Variants in SLC35B4 observed in about 807,000 individuals in gnomAD.
SLC35B4 encodes the protein nucleotide sugar transporter SLC35B4.
A neutral mutation model predicts 39.5 loss-of-function variants in SLC35B4; 28 were observed. The observed-to-expected ratio is 0.71, with a 90% CI of 0.53 to 0.97. The LOEUF is 0.97. SLC35B4 is among the 50% of genes least tolerant of loss of function. The pLI, the probability that SLC35B4 is intolerant of heterozygous loss-of-function variation, is 0.00. For synonymous variants in SLC35B4, 145 were observed against 150.4 expected (o/e 0.96, Z 0.26); for missense variants, 334 against 414.3 (o/e 0.81, Z 1.68).
At chr7:134,297,894 C>A (rs1803502204) in intron 8 of SLC35B4, among the ~76,000 whole-genome samples, 2 of 152,180 alleles carry the variant, frequency 1.3e-5, no homozygotes, top group African/African-American at 4.8e-5. Context: ...GACACATACA[C>A]ACACACACTC....
At chr7:134,310,529 G>C (rs900706174) in intron 1 of SLC35B4, among the ~76,000 whole-genome samples, 1 of 151,104 alleles carries the variant, frequency 6.6e-6, no homozygotes, top group Admixed American at 6.6e-5. Context: ...ACCTGCCTTC[G>C]TATTCTGTGT....
chr7:134,304,317 G>A (rs1263158470), intron 4 of SLC35B4, among the ~76,000 whole-genome samples: 1 of 147,414 alleles, frequency 6.8e-6, no homozygotes, highest in Non-Finnish European at 1.5e-5. Flanking sequence ...CTTGAACCTG[G>A]GAGGTGGAGG....
rs1308951495 is a variant in SLC35B4, at chr7:134,293,788, CTT to C, written c.*1043_*1044del. 6.7e-6 allele frequency: 1 copy of C among 150,270 alleles called. No homozygotes were observed. The highest frequency in any genetic ancestry group is 6.6e-5 in the Admixed American group (1 of 15,104). The allele number at this position is 150,270 out of a possible 1,614,324, so 9.3% of individuals were successfully genotyped here. A position where few individuals can be genotyped will look rare whatever the true frequency, so the allele number is the denominator to read the frequency against. Reference sequence around the variant, plus strand: ...TCAGGGGTGTCCAGTCCATAACAACCTTTCTTTTTTTTTTTTTTTTTTGAGAT... The same window carrying C: ...TCAGGGGTGTCCAGTCCATAACAACCTCTTTTTTTTTTTTTTTTTTGAGAT... On this transcript the variant is annotated 3_prime_UTR_variant, in exon 10 of 10. Transcript: ENST00000378509.
At chr7:134,301,960 G>A (rs2117292969) in intron 5 of SLC35B4, 69 bp downstream of exon 5, 2 of 1,539,536 alleles carry the variant, frequency 1.3e-6, no homozygotes, top group Non-Finnish European at 1.8e-6. Context: ...AATTTGAATT[G>A]TATTAATTGC....
In SLC35B4 at chr7:134,291,787, AAAC is replaced by A. The variant is rs1478665004; in HGVS notation, c.*3043_*3045del. ...AGTTGTTTTAGTTGGACGAAAAAGA[AAAC>A]AAAGAATCAAAAATAAATTACTAAT... On this transcript the variant is annotated 3_prime_UTR_variant, in exon 10 of 10. Coordinates refer to ENST00000378509, the MANE Select transcript of SLC35B4 (RefSeq NM_032826.5). 2 of 152,270 alleles carry A rather than the reference AAAC, an allele frequency of 1.3e-5. No individual in the cohort carries two copies. Among genetic ancestry groups the A allele is most frequent in the African/African-American group, 4.8e-5 (2 of 41,470 alleles). The allele number at this position is 152,270 out of a possible 1,614,324, so 9.4% of individuals were successfully genotyped here.
In SLC35B4 at chr7:134,294,827, C is replaced by A. The variant is rs749035832; in HGVS notation, c.*6G>T. 5.6e-6 allele frequency: 9 copies of A among 1,613,692 alleles called. No individual in the cohort carries two copies. Among genetic ancestry groups the A allele is most frequent in the Non-Finnish European group, 4.2e-6 (5 of 1,179,944 alleles). ...ACGACACTGGTCTACGTACTCCAGA[C>A]AGGCCTCAGTTCTTCTTGCTGTCCT... is the stretch of plus-strand genomic sequence containing the variant. On this transcript the variant is annotated 3_prime_UTR_variant, in exon 10 of 10. Coordinates refer to ENST00000378509, the MANE Select transcript of SLC35B4 (RefSeq NM_032826.5).
chr7:134,311,806 C>T (rs566958807), intron 1 of SLC35B4, among the ~76,000 whole-genome samples: 59 of 152,176 alleles, frequency 3.9e-4, no homozygotes, highest in Non-Finnish European at 5.9e-4. Context: ...GGAGAAATAC[C>T]AGTCAAGGTG....
rs1185092881 is a variant in SLC35B4 at position 134,289,809 on chromosome 7, G to T, written c.*5024C>A. 6.6e-6 allele frequency: 1 copy of T among 152,218 alleles called. No homozygotes were observed. The highest frequency in any genetic ancestry group is 1.5e-5 in the Non-Finnish European group (1 of 68,040). 9.4% of individuals were successfully genotyped at this position (152,218 alleles called of 1,614,324 possible). ...GATATCAGTAAGTCAATGTGCCAAA[G>T]AAATTATTACAACTTCTTTCTTAGA... On this transcript the variant is annotated 3_prime_UTR_variant, in exon 10 of 10. Transcript: ENST00000378509.
In SLC35B4 at chr7:134,291,655, C is replaced by G. The variant is rs148289669; in HGVS notation, c.*3178G>C. 7.9e-5 allele frequency: 12 copies of G among 152,170 alleles called. No individual in the cohort carries two copies. Among genetic ancestry groups the G allele is most frequent in the African/African-American group, 2.9e-4 (12 of 41,506 alleles). The allele number at this position is 152,170 out of a possible 1,614,324, so 9.4% of individuals were successfully genotyped here. ...CACTGACCAAATCAAAATACTGCAGCGTTTCACTGTGGTTAACAGGATGGA... is the reference window on the plus strand; with the variant it reads ...CACTGACCAAATCAAAATACTGCAGGGTTTCACTGTGGTTAACAGGATGGA... On this transcript the variant is annotated 3_prime_UTR_variant, in exon 10 of 10. Coordinates refer to ENST00000378509, the MANE Select transcript of SLC35B4 (RefSeq NM_032826.5).
At chr7:134,307,584 A>C (rs1563218032) in intron 2 of SLC35B4, among the ~76,000 whole-genome samples, 1 of 152,250 alleles carries the variant, frequency 6.6e-6, no homozygotes, top group Non-Finnish European at 1.5e-5. Context: ...TAAGAGAAAA[A>C]AACAGCATTT....
chr7:134,292,132 A>G lies in SLC35B4; in HGVS notation c.*2701T>C, dbSNP rs1803343666. 1 of 154,848 alleles carries G rather than the reference A, an allele frequency of 6.5e-6. No individual in the cohort carries two copies. The highest frequency in any genetic ancestry group is 2.0e-4 in the South Asian group (1 of 4,930). The allele number at this position is 154,848 out of a possible 1,614,324, so 9.6% of individuals were successfully genotyped here. A position where few individuals can be genotyped will look rare whatever the true frequency, so the allele number is the denominator to read the frequency against. ...CCCAGAGAAAGAGGAGAGACATTTAATAGACATTTCTCTTCCAGTTAAGTA... is the reference window on the plus strand; with the variant it reads ...CCCAGAGAAAGAGGAGAGACATTTAGTAGACATTTCTCTTCCAGTTAAGTA... On this transcript the variant is annotated 3_prime_UTR_variant, in exon 10 of 10. Coordinates refer to ENST00000378509, the MANE Select transcript of SLC35B4 (RefSeq NM_032826.5).
At position 134,299,089 on chromosome 7, in the gene SLC35B4, C is replaced by A. The variant is rs549916042; in HGVS notation, c.673+434G>T. Among the ~76,000 whole-genome samples the A allele has an allele frequency of 3.9e-5, 6 of 152,338 alleles. No individual in the cohort carries two copies. In the South Asian group the frequency reaches 1.2e-3, roughly 32 times the overall value. The stretch of plus-strand genomic sequence containing the variant: ...GAAAAACCTTGTCATCATTGAGCTC[C>A]CCTCTTGCTCTGCTCCATGGCAGCT... On this transcript the variant is annotated intron_variant, in intron 8 of 9. Transcript: ENST00000378509.
At chr7:134,316,603 C>CG in intron 1 of SLC35B4, 72 bp downstream of exon 1, 1 of 1,493,936 alleles carries the variant, frequency 6.7e-7, no homozygotes, top group Non-Finnish European at 9.1e-7. Context: ...GGGCGCGTCC[C>CG]GGGGGGACCT....
intron 3 of SLC35B4, among the ~76,000 whole-genome samples, chr7:134,305,669 G>A (rs60556721): frequency 0.02 from 3,081 of 151,924 alleles, 127 homozygotes; most frequent in African/African-American, 0.071. Context: ...TTCTACCCCC[G>A]ACCAGTTTTT....
intron 6 of SLC35B4, 80 bp downstream of exon 6, chr7:134,301,681 C>T: frequency 7.5e-7 from 1 of 1,342,130 alleles, no homozygotes; most frequent in Non-Finnish European, 1.1e-6. Context: ...AGCTTCTTGC[C>T]AAGAAACATT....
In SLC35B4 at chr7:134,294,691, G is replaced by T; in HGVS notation, c.*142C>A. On this transcript the variant is annotated 3_prime_UTR_variant, in exon 10 of 10. Coordinates refer to ENST00000378509, the MANE Select transcript of SLC35B4 (RefSeq NM_032826.5). ...ACATGTGTCAGTCTGAGCAACGTGA[G>T]AAGTCCCCTCCTGAAGATTTCCTTT... The T allele has an allele frequency of 9.7e-7, 1 of 1,026,640 alleles. No homozygotes were observed. Among genetic ancestry groups the T allele is most frequent in the South Asian group, 1.7e-5 (1 of 60,050 alleles). The allele number at this position is 1,026,640 out of a possible 1,614,324, so 63.6% of individuals were successfully genotyped here.
rs758597573 is a variant in SLC35B4 at position 134,301,783 on chromosome 7, C to G, written c.465G>C (p.Gln155His). 2 of 1,614,022 alleles carry G rather than the reference C, an allele frequency of 1.2e-6. No homozygotes were observed. The highest frequency in any genetic ancestry group is 8.5e-7 in the Non-Finnish European group (1 of 1,179,956). The change falls in exon 6 of 10, where the codon CAG becomes CAC. Residue 155 changes from glutamine (Q) to histidine (H), a missense_variant. Physicochemically the swap from Gln to His is conservative, Grantham distance 24. Transcript: ENST00000378509. ...TGCCTAGTAACCACCACACAAATGC[C>G]TGGAATCCATCATTCTCACTCAAGC... is the stretch of plus-strand genomic sequence containing the variant. ...QSSLSENDGF[Q>H]AFVWWLLGIG...
chr7:134,312,237 G>A (rs1288175702), intron 1 of SLC35B4, among the ~76,000 whole-genome samples: 1 of 152,150 alleles, frequency 6.6e-6, no homozygotes, highest in Non-Finnish European at 1.5e-5. Context: ...CACTGTCGTA[G>A]TGAGTATTCA....
At chr7:134,295,230 C>T (rs1424036400) in intron 9 of SLC35B4, 151 bp from the exon 10 acceptor site, 2 of 943,146 alleles carry the variant, frequency 2.1e-6, no homozygotes, top group Non-Finnish European at 3.1e-6. Context: ...CTGGGGAGAA[C>T]CTGCAGAACA....
Sources: gnomAD v4.1 joint callset for allele counts (sites outside exome capture counted in the v4.1 genomes callset) on GRCh38, gnomAD v4.1.1 for gene constraint, MANE v1.5 for transcripts, NCBI Gene and HGNC (gene_info 2026-07-23, HGNC 2026-07-21) for gene names.